RUNDC3B: variants seen among roughly 807,000 people sequenced by gnomAD.
RUNDC3B encodes RUN domain containing 3B, also known as RUN domain-containing protein 3B.
A neutral mutation model predicts 58.4 loss-of-function variants in RUNDC3B; 33 were observed. The ratio of observed to expected loss-of-function variants is 0.56; its 90% CI spans 0.43 to 0.75. The LOEUF (loss-of-function observed/expected upper bound fraction) is 0.75, where lower values mean the gene tolerates loss of function less well. RUNDC3B is among the 30% of genes least tolerant of loss of function. The pLI, the probability that RUNDC3B is intolerant of heterozygous loss-of-function variation, is 0.00. For missense variants in RUNDC3B, 501 were observed against 535.7 expected, an observed-to-expected ratio of 0.94 and a Z score of 0.64; for synonymous variants, 193 against 195.2, an observed-to-expected ratio of 0.99 and a Z score of 0.10.
chr7:87,821,873 C>T (rs1424264466), intron 10 of RUNDC3B, among the ~76,000 whole-genome samples: 6 of 152,210 alleles, frequency 3.9e-5, no homozygotes, highest in African/African-American at 1.4e-4. Context: ...TTCCTTACAC[C>T]TTATACAAAA....
intron 6 of RUNDC3B, among the ~76,000 whole-genome samples, chr7:87,748,153 T>C (rs1470524070): frequency 6.6e-6 from 1 of 152,184 alleles, no homozygotes. Context: ...TCCCAGGGCC[T>C]TTCTGCTGCT....
At chr7:87,705,667 A>G (rs1279347054) in intron 3 of RUNDC3B, among the ~76,000 whole-genome samples, 2 of 152,200 alleles carry the variant, frequency 1.3e-5, no homozygotes, top group Non-Finnish European at 2.9e-5. Context: ...CTTAGGTTTC[A>G]CACTAGAATC....
chr7:87,755,543 A>G (rs149819354), intron 6 of RUNDC3B, among the ~76,000 whole-genome samples: 1 of 151,860 alleles, frequency 6.6e-6, no homozygotes, highest in African/African-American at 2.4e-5. Context: ...CTAATCCACC[A>G]TGATCAGTGC....
intron 8 of RUNDC3B, among the ~76,000 whole-genome samples, chr7:87,803,407 G>A (rs973431541): frequency 6.6e-6 from 1 of 152,144 alleles, no homozygotes; most frequent in Admixed American, 6.5e-5. Flanking sequence ...TATATTTATA[G>A]ATCACATGAA....
chr7:87,672,963 A>C (rs1214706108), intron 2 of RUNDC3B, among the ~76,000 whole-genome samples: 1 of 152,154 alleles, frequency 6.6e-6, no homozygotes, highest in Non-Finnish European at 1.5e-5. Context: ...TATGAGAGCC[A>C]TGCACACTGG....
intron 2 of RUNDC3B, among the ~76,000 whole-genome samples, chr7:87,661,225 T>A (rs550581327): frequency 7.9e-5 from 12 of 151,968 alleles, no homozygotes; most frequent in Non-Finnish European, 1.3e-4. Flanking sequence ...AAATAAGGTA[T>A]CCATCACTTC....
chr7:87,823,519 C>G (rs987558661), intron 10 of RUNDC3B, among the ~76,000 whole-genome samples: 1 of 151,762 alleles, frequency 6.6e-6, no homozygotes, highest in African/African-American at 2.4e-5. Context: ...GCACCCATCA[C>G]CTGAGCAGTA....
chr7:87,779,781 C>T (rs1834830101), intron 8 of RUNDC3B, among the ~76,000 whole-genome samples: 1 of 151,880 alleles, frequency 6.6e-6, no homozygotes, highest in African/African-American at 2.4e-5. Context: ...TTACCCCCCA[C>T]CCTTCCTCTC....
chr7:87,675,505 A>C (rs1826237282), intron 2 of RUNDC3B, among the ~76,000 whole-genome samples: 1 of 152,148 alleles, frequency 6.6e-6, no homozygotes, highest in Non-Finnish European at 1.5e-5. Context: ...AAAAACAGAT[A>C]CATAGACCAA....
At chr7:87,646,635 A>G (rs1823030260) in intron 1 of RUNDC3B, among the ~76,000 whole-genome samples, 2 of 152,048 alleles carry the variant, frequency 1.3e-5, no homozygotes, top group Admixed American at 1.3e-4. Flanking sequence ...TCAAAGGTGG[A>G]GGTGGAGGTG....
Position 87,812,326 on chromosome 7 carries a change from T to C in RUNDC3B, c.1104-3815T>C, listed in dbSNP as rs1352398111. On this transcript the variant is annotated intron_variant, in intron 9 of 10. Coordinates refer to ENST00000394654, the MANE Select transcript of RUNDC3B (RefSeq NM_001134405.2). Reference sequence around the variant, plus strand: ...GTTTAATTTAAATTATGTTTAACAATGGCTGGGCACAGTGGCTCACATTTG... The same window carrying C: ...GTTTAATTTAAATTATGTTTAACAACGGCTGGGCACAGTGGCTCACATTTG... 6.6e-5 allele frequency among the ~76,000 whole-genome samples: 10 copies of C among 152,136 alleles called. 1 individual carries two copies. Among genetic ancestry groups the C allele is most frequent in the Non-Finnish European group, 1.5e-4 (10 of 68,012 alleles).
intron 9 of RUNDC3B, among the ~76,000 whole-genome samples, chr7:87,808,367 A>G (rs527348424): frequency 1.7e-4 from 26 of 151,910 alleles, no homozygotes; most frequent in African/African-American, 5.8e-4. Flanking sequence ...TCACATATCT[A>G]TGTGTGCTTG....
At chr7:87,712,283 T>C (rs1830159555) in intron 4 of RUNDC3B, among the ~76,000 whole-genome samples, 1 of 152,064 alleles carries the variant, frequency 6.6e-6, no homozygotes. Flanking sequence ...AACAGTGAGA[T>C]GATGATAAAA....
chr7:87,659,114 A>G (rs1824430810), intron 2 of RUNDC3B: 2 of 313,540 alleles, frequency 6.4e-6, no homozygotes, highest in Non-Finnish European at 1.2e-5. Flanking sequence ...TGATCGTGCC[A>G]TCATGCCACT....
chr7:87,648,924 A>T (rs191288565), intron 1 of RUNDC3B, among the ~76,000 whole-genome samples: 72 of 152,222 alleles, frequency 4.7e-4, no homozygotes, highest in African/African-American at 1.6e-3. Flanking sequence ...GATATAACCT[A>T]TATAAACAAA....
intron 2 of RUNDC3B, among the ~76,000 whole-genome samples, chr7:87,667,451 C>T (rs1825376702): frequency 1.3e-5 from 2 of 151,604 alleles, no homozygotes; most frequent in African/African-American, 4.8e-5. Context: ...GATAGTTTAA[C>T]TTTCTCTTTT....
chr7:87,784,006 A>G (rs913187091), intron 8 of RUNDC3B, among the ~76,000 whole-genome samples: 4 of 152,148 alleles, frequency 2.6e-5, no homozygotes, highest in Non-Finnish European at 5.9e-5. Flanking sequence ...ATAGTATCTC[A>G]TAGAGGTTCT....
chr7:87,628,902 C>A lies in RUNDC3B; in HGVS notation c.79C>A (p.Arg27Ser), dbSNP rs756278870. ...AGGCGGCAAGAAAAGCCTGAGCGCC[C>A]GCAATGCTGCGGTGGAGAGGAGGAA... ...GGGGKKSLSA[R>S]NAAVERRNLI... The change falls in exon 1 of 11, where the codon CGC becomes AGC. Residue 27 changes from arginine to serine, a missense_variant. Arg to Ser is a moderately radical substitution (Grantham distance 110). Coordinates refer to ENST00000394654, the MANE Select transcript of RUNDC3B (RefSeq NM_001134405.2). 1.5e-6 allele frequency: 2 copies of A among 1,306,856 alleles called. No individual in the cohort carries two copies. The highest frequency in any genetic ancestry group is 3.3e-5 in the South Asian group (1 of 30,070). 81.0% of individuals were successfully genotyped at this position (1,306,856 alleles called of 1,614,324 possible).
At chr7:87,660,573 G>T (rs948604394) in intron 2 of RUNDC3B, among the ~76,000 whole-genome samples, 1 of 151,730 alleles carries the variant, frequency 6.6e-6, no homozygotes, top group Admixed American at 6.6e-5. Context: ...CCAGAGATTT[G>T]TCTGTTTTAT....
Sources: allele counts gnomAD v4.1 joint callset (sites outside exome capture counted in the v4.1 genomes callset), GRCh38; gene constraint gnomAD v4.1.1; transcripts MANE v1.5; gene names NCBI Gene and HGNC (gene_info 2026-07-23, HGNC 2026-07-21).